Variants in MXRA8 observed in about 807,000 individuals in gnomAD.
MXRA8 encodes matrix remodeling associated 8.
Under a neutral mutation model 51.4 loss-of-function variants are expected in MXRA8, and 44 were observed. The ratio of observed to expected loss-of-function variants is 0.86; its 90% CI spans 0.67 to 1.10. The LOEUF is 1.10. Among genes scored for constraint, MXRA8 ranks in the 50% least tolerant of loss-of-function variants. The probability of loss-of-function intolerance (pLI) is 0.00; values close to 1 mark genes in which losing one functional copy is unlikely to be tolerated. For synonymous variants in MXRA8, 369 were observed against 293.5 expected (o/e 1.26, Z -2.63); for missense variants, 765 against 638.9 (o/e 1.20, Z -2.13).
chr1:1,359,223 T>G (rs918260205), upstream of MXRA8: 9 of 985,252 alleles, frequency 9.1e-6, no homozygotes, highest in Non-Finnish European at 1.1e-5. Context: ...GACCTCTCCC[T>G]GCTGGCCCCG....
upstream of MXRA8, among the ~76,000 whole-genome samples, chr1:1,363,523 C>T (rs1569822428): frequency 6.6e-6 from 1 of 151,748 alleles, no homozygotes; most frequent in East Asian, 1.9e-4. Flanking sequence ...CAACCTCTGC[C>T]TTCCAGTTTC....
intron 1 of MXRA8, 49 bp downstream of exon 1, chr1:1,358,407 A>G: frequency 6.4e-7 from 1 of 1,566,088 alleles, no homozygotes; most frequent in Non-Finnish European, 8.7e-7. Context: ...ACGGACTCGC[A>G]CAGCCCCACG....
Position 1,353,277 on chromosome 1 carries a change from T to C in MXRA8, c.*327A>G. 1 of 1,542,162 alleles carries C rather than the reference T, an allele frequency of 6.5e-7. No homozygotes were observed. The highest frequency in any genetic ancestry group is 8.8e-7 in the Non-Finnish European group (1 of 1,139,590). On this transcript the variant is annotated 3_prime_UTR_variant, in exon 10 of 10. Coordinates refer to ENST00000309212, the MANE Select transcript of MXRA8 (RefSeq NM_032348.4). ...CAGTTTTGGGGCTGCCAGGTTCTGA[T>C]GGGAGTGTCCTCCAGGAATGTCTTC...
upstream of MXRA8, among the ~76,000 whole-genome samples, chr1:1,363,081 C>CAAA (rs200811419): frequency 7.9e-6 from 1 of 126,360 alleles, no homozygotes; most frequent in African/African-American, 2.7e-5. Flanking sequence ...GACTCCGTCT[C>CAAA]AAAAAAAAAA....
In MXRA8 at chr1:1,355,350, G is replaced by T; in HGVS notation, c.377-5C>A. ...CCGCGTCCGTCTCCTCCACCGCTGC[G>T]CACCCAGGAGGAAGCCGCGCGTGAG... On this transcript the variant is annotated splice_polypyrimidine_tract_variant and splice_region_variant and intron_variant, in intron 3 of 9. Coordinates refer to ENST00000309212, the MANE Select transcript of MXRA8 (RefSeq NM_032348.4). The T allele has an allele frequency of 1.3e-6, 2 of 1,571,312 alleles. 1 individual carries two copies. Among genetic ancestry groups the T allele is most frequent in the Non-Finnish European group, 1.7e-6 (2 of 1,163,144 alleles).
At position 1,353,434 on chromosome 1, in the gene MXRA8, G is replaced by A; in HGVS notation, c.*170C>T. 6.6e-7 allele frequency: 1 copy of A among 1,511,380 alleles called. No homozygotes were observed. 93.6% of individuals were successfully genotyped at this position (1,511,380 alleles called of 1,614,324 possible). A position where few individuals can be genotyped will look rare whatever the true frequency, so the allele number is the denominator to read the frequency against. ...GGGGTGGGGGCTATGCTGCCACCAAGCCCCTGGGAGAGGGGTGTGGAGGCG... is the reference window on the plus strand; with the variant it reads ...GGGGTGGGGGCTATGCTGCCACCAAACCCCTGGGAGAGGGGTGTGGAGGCG... On this transcript the variant is annotated 3_prime_UTR_variant, in exon 10 of 10. Transcript: ENST00000309212.
At chr1:1,354,610 G>A in intron 5 of MXRA8, 72 bp downstream of exon 5, 2 of 1,548,492 alleles carry the variant, frequency 1.3e-6, no homozygotes, top group Non-Finnish European at 1.7e-6. Context: ...TCGGGCAAGG[G>A]ACAGCGGGCG....
In MXRA8 at chr1:1,354,749, G is replaced by T. The variant is rs1283640109; in HGVS notation, c.882C>A (p.Pro294=). Residue 294 remains proline, a synonymous_variant, in exon 5 of 10, where the codon CCC becomes CCA. Coordinates refer to ENST00000309212, the MANE Select transcript of MXRA8 (RefSeq NM_032348.4). ...AGCCCCGGGGGGGCGGCTCCGCGTG[G>T]GGTTCGGCGACCGTCAGGTGGAAGA... The part of the protein sequence containing the change: ...RRVFHLTVAE[P]HAEPPPRGSP... 1.2e-6 allele frequency: 2 copies of T among 1,610,828 alleles called. No individual in the cohort carries two copies. Among genetic ancestry groups the T allele is most frequent in the Non-Finnish European group, 8.5e-7 (1 of 1,179,156 alleles).
chr1:1,360,507 T>TGGGGGGGC (rs75605518), upstream of MXRA8, among the ~76,000 whole-genome samples: 20 of 147,822 alleles, frequency 1.4e-4, no homozygotes, highest in Admixed American at 3.4e-4. Flanking sequence ...CGCTGGGGGG[T>TGGGGGGGC]GGTCTGCAGA....
At chr1:1,358,377 G>T (rs540410422) in intron 1 of MXRA8, 79 bp downstream of exon 1, 2 of 1,475,522 alleles carry the variant, frequency 1.4e-6, no homozygotes, top group Non-Finnish European at 1.8e-6. Context: ...CCCAAGCTCA[G>T]ATGGGCGGTT....
chr1:1,358,386 T>G, intron 1 of MXRA8, 70 bp downstream of exon 1: 2 of 1,519,152 alleles, frequency 1.3e-6, no homozygotes, highest in South Asian at 1.3e-5. Flanking sequence ...AGATGGGCGG[T>G]TTTGTCCGAA....
chr1:1,357,831 C>T (rs2100819025), intron 1 of MXRA8, among the ~76,000 whole-genome samples: 1 of 152,272 alleles, frequency 6.6e-6, no homozygotes, highest in Middle Eastern at 3.4e-3. Context: ...CTGAGGGAAA[C>T]CTGTATGCAG....
chr1:1,354,210 C>A lies in MXRA8; in HGVS notation c.1128G>T (p.Lys376Asn). ...RRGGYEYSDQKSGKSKGKDVN... is the reference protein window; with the variant it reads ...RRGGYEYSDQNSGKSKGKDVN... ...GCACTCACCCCTTTGACTTTCCCGA[C>A]TTCTGGTCCGAGTATTCGTAGCCTG... is the stretch of plus-strand genomic sequence containing the variant. Residue 376 changes from lysine to asparagine, a missense_variant, in exon 7 of 10, where the codon AAG becomes AAT. Lys to Asn is a moderately conservative substitution (Grantham distance 94, BLOSUM62 0). Transcript: ENST00000309212. The A allele has an allele frequency of 6.2e-7, 1 of 1,612,650 alleles. No individual in the cohort carries two copies. The highest frequency in any genetic ancestry group is 8.5e-7 in the Non-Finnish European group (1 of 1,179,968).
chr1:1,358,955 C>T, upstream of MXRA8: 2 of 985,414 alleles, frequency 2.0e-6, no homozygotes, highest in Non-Finnish European at 2.4e-6. Flanking sequence ...TGCTCCAGGC[C>T]CCAGAAAGGC....
At chr1:1,358,758 ACCGCACC>A, upstream of MXRA8, 1 of 1,312,956 alleles carries the variant, frequency 7.6e-7, no homozygotes, top group Non-Finnish European at 9.7e-7. Flanking sequence ...AGGGGTGGTG[ACCGCACC>A]CTTGGAGGGA....
At chr1:1,353,787 G>A (rs1644053814) in intron 9 of MXRA8, 61 bp downstream of exon 9, 1 of 1,509,020 alleles carries the variant, frequency 6.6e-7, no homozygotes, top group Non-Finnish European at 8.9e-7. Flanking sequence ...TTGGTCCCAG[G>A]TGAGGTGGAA....
upstream of MXRA8, chr1:1,361,915 C>G (rs1644226858): frequency 6.5e-6 from 1 of 154,428 alleles, no homozygotes; most frequent in African/African-American, 2.4e-5. Context: ...TTTATGGAGA[C>G]AGCCCCCCAA....
At chr1:1,362,972 A>G (rs1644237316), upstream of MXRA8, among the ~76,000 whole-genome samples, 1 of 152,056 alleles carries the variant, frequency 6.6e-6, no homozygotes, top group Admixed American at 6.6e-5. Context: ...AGTTCCAGCT[A>G]CTTGGGAGGC....
rs908004430 is a variant in MXRA8 at position 1,353,614 on chromosome 1, T to G, written c.1319A>C (p.Asn440Thr). 6 of 1,563,128 alleles carry G rather than the reference T, an allele frequency of 3.8e-6. No homozygotes were observed. The Admixed American group carries it at 1.1e-4, about 30-fold the overall frequency. Residue 440 changes from asparagine (N) to threonine (T), a missense_variant, in exon 10 of 10, where the codon AAC becomes ACC. Coordinates refer to ENST00000309212, the MANE Select transcript of MXRA8 (RefSeq NM_032348.4). ...GAGCCCAGGGCCTCCCTATTTGCAG[T>G]TCTCCTTCCGGAACCCTGGAAGCCA... is the stretch of plus-strand genomic sequence containing the variant. ...IDLDKGFRKE[N>T]CK
Sources: allele counts gnomAD v4.1 joint callset (sites outside exome capture counted in the v4.1 genomes callset), GRCh38; gene constraint gnomAD v4.1.1; transcripts MANE v1.5; gene names NCBI Gene and HGNC (gene_info 2026-07-23, HGNC 2026-07-21).